Variants in PRPF6 observed in about 807,000 individuals in gnomAD.
PRPF6 encodes the protein pre-mRNA processing factor 6.
In PRPF6, 42 loss-of-function variants were observed where a neutral mutation model predicts 118.3. The observed-to-expected ratio is 0.35, with a 90% CI of 0.28 to 0.46. The LOEUF (loss-of-function observed/expected upper bound fraction) is 0.46, where lower values mean the gene tolerates loss of function less well. PRPF6 is among the 20% of genes least tolerant of loss of function. PRPF6 has a pLI of 1.00. For synonymous variants in PRPF6, 481 were observed against 485.1 expected (o/e 0.99, Z 0.11); for missense variants, 662 against 1,255.7 (o/e 0.53, Z 7.15).
At chr20:64,024,523 G>T in intron 13 of PRPF6, 32 bp from the exon 14 acceptor site, 1 of 1,612,998 alleles carries the variant, frequency 6.2e-7, no homozygotes, top group Non-Finnish European at 8.5e-7. Flanking sequence ...TTATGGCCCT[G>T]CCTCTGGTGA....
chr20:64,019,948 G>C (rs1376348527), intron 12 of PRPF6, among the ~76,000 whole-genome samples: 3 of 152,262 alleles, frequency 2.0e-5, no homozygotes, highest in Non-Finnish European at 4.4e-5. Flanking sequence ...GTAGAAGGCA[G>C]CTGTTCCTCT....
In PRPF6 at chr20:64,027,844, CAG is replaced by C. The variant is rs1441325287; in HGVS notation, c.2339+109_2339+110del. On this transcript the variant is annotated intron_variant, in intron 17 of 20. Coordinates refer to ENST00000266079, the MANE Select transcript of PRPF6 (RefSeq NM_012469.4). This position sits in a 1 kb window ranked among gnomAD's most constrained non-coding sequence, Gnocchi z 6.5. ...GTCACTCGTGCAGTGCTTCCAGGCTCAGGGGCTTGGGGGGCGGTAGGTGCTGG... is the reference window on the plus strand; with the variant it reads ...GTCACTCGTGCAGTGCTTCCAGGCTCGGGCTTGGGGGGCGGTAGGTGCTGG... The C allele has an allele frequency of 2.0e-5, 31 of 1,520,496 alleles. No individual in the cohort carries two copies. The highest frequency in any genetic ancestry group is 1.5e-4 in the Admixed American group (9 of 59,646). The allele number at this position is 1,520,496 out of a possible 1,614,324, so 94.2% of individuals were successfully genotyped here.
In PRPF6 at chr20:63,986,416, G is replaced by T. The variant is rs527649787; in HGVS notation, c.359+1391G>T. Among the ~76,000 whole-genome samples, 17 of 151,974 alleles carry T rather than the reference G, an allele frequency of 1.1e-4. 1 individual carries two copies. The highest frequency in any genetic ancestry group is 2.5e-4 in the Non-Finnish European group (17 of 67,970). On this transcript the variant is annotated intron_variant, in intron 3 of 20. Coordinates refer to ENST00000266079, the MANE Select transcript of PRPF6 (RefSeq NM_012469.4). ...TTTGCCCAGGGGATACAAGTGCAAG[G>T]GTGGTTCAACATATGCAAATTAATC...
At chr20:63,994,490 A>G (rs770316347) in intron 4 of PRPF6, among the ~76,000 whole-genome samples, 13 of 151,940 alleles carry the variant, frequency 8.6e-5, no homozygotes, top group Non-Finnish European at 1.2e-4. Context: ...GTAGAAAACT[A>G]TTTTTGGGGC....
At chr20:64,032,610 C>G (rs1047470900) in intron 20 of PRPF6, among the ~76,000 whole-genome samples, 10 of 152,222 alleles carry the variant, frequency 6.6e-5, no homozygotes, top group African/African-American at 1.9e-4. Context: ...TGGCTCAGTT[C>G]CTCATCTGTG....
rs1268443964 is a variant in PRPF6 at position 64,029,982 on chromosome 20, A to G, written c.2546+491A>G. ...GACTCACTGGGGACGCGTGTGATTC[A>G]CACTGGTGCGCTGGCCGCTGGGTCA... On this transcript the variant is annotated intron_variant, in intron 19 of 20. Coordinates refer to ENST00000266079, the MANE Select transcript of PRPF6 (RefSeq NM_012469.4). This position sits in a 1 kb window ranked among gnomAD's most constrained non-coding sequence, Gnocchi z 4.8. Among the ~76,000 whole-genome samples the G allele has an allele frequency of 6.6e-6, 1 of 152,198 alleles. No homozygotes were observed. The highest frequency in any genetic ancestry group is 2.4e-5 in the African/African-American group (1 of 41,450).
rs2059290189 is a variant in PRPF6, at chr20:64,026,243, A to G, written c.2028+185A>G. ...GCGTGGTGGCCGGGCGCGGTGGCTC[A>G]CGCCTGTAATCTCAGCACTTTGGGA... On this transcript the variant is annotated intron_variant, in intron 15 of 20. Transcript: ENST00000266079. This position sits in a 1 kb window ranked among gnomAD's most constrained non-coding sequence, Gnocchi z 4.4. Among the ~76,000 whole-genome samples, 1 of 152,104 alleles carries G rather than the reference A, an allele frequency of 6.6e-6. No homozygotes were observed. Among genetic ancestry groups the G allele is most frequent in the Non-Finnish European group, 1.5e-5 (1 of 67,992 alleles).
At chr20:64,023,173 G>T (rs1007967694) in intron 13 of PRPF6, among the ~76,000 whole-genome samples, 1 of 152,250 alleles carries the variant, frequency 6.6e-6, no homozygotes, top group African/African-American at 2.4e-5. Flanking sequence ...ATAGACTTGA[G>T]GCTGGAGCCC....
Position 63,999,085 on chromosome 20 carries a change from A to G in PRPF6, c.812A>G (p.Lys271Arg). Residue 271 changes from lysine (K) to arginine (R), a missense_variant, in exon 7 of 21, where the codon AAA becomes AGA. This residue lies in a region of PRPF6 where 71 missense variants were observed against 166.4 expected (regional missense o/e 0.43). Coordinates refer to ENST00000266079, the MANE Select transcript of PRPF6 (RefSeq NM_012469.4). ...SVSGQTVVDP[K>R]GYLTDLNSMI... is the part of the protein sequence containing the mutation. ...AGTGGACAGACCGTCGTTGACCCCA[A>G]AGGCTACCTGACGGATTTAAATTCC... The G allele has an allele frequency of 6.2e-7, 1 of 1,613,848 alleles. No individual in the cohort carries two copies. The highest frequency in any genetic ancestry group is 8.5e-7 in the Non-Finnish European group (1 of 1,179,910).
Position 63,998,858 on chromosome 20 carries a change from T to A in PRPF6, c.772-187T>A, listed in dbSNP as rs915500258. Among the ~76,000 whole-genome samples, 11 of 146,862 alleles carry A rather than the reference T, an allele frequency of 7.5e-5. No homozygotes were observed. The East Asian group carries it at 1.2e-3, about 16-fold the overall frequency. On this transcript the variant is annotated intron_variant, in intron 6 of 20. Coordinates refer to ENST00000266079, the MANE Select transcript of PRPF6 (RefSeq NM_012469.4). ...CTCCATCTCAAAAAAAAAAAAAAAATAGATCTTTTTCCATACAGAAGAAAT... is the reference window on the plus strand; with the variant it reads ...CTCCATCTCAAAAAAAAAAAAAAAAAAGATCTTTTTCCATACAGAAGAAAT...
At chr20:63,989,260 A>G (rs1035397131) in intron 3 of PRPF6, among the ~76,000 whole-genome samples, 4 of 152,188 alleles carry the variant, frequency 2.6e-5, no homozygotes, top group Non-Finnish European at 5.9e-5. Flanking sequence ...TAAGACCTCA[A>G]GCTGAAACTA....
chr20:63,991,123 T>C (rs1188242109), intron 3 of PRPF6, among the ~76,000 whole-genome samples: 1 of 152,148 alleles, frequency 6.6e-6, no homozygotes, highest in Non-Finnish European at 1.5e-5. Flanking sequence ...CCAGGGTTAA[T>C]GCATTTTAAA....
chr20:63,989,353 C>T (rs746867557), intron 3 of PRPF6, among the ~76,000 whole-genome samples: 4 of 152,004 alleles, frequency 2.6e-5, no homozygotes, highest in Admixed American at 6.6e-5. Context: ...GCACAGGCAA[C>T]GAACGGAAGC....
At chr20:63,981,400 A>C in intron 1 of PRPF6, 84 bp downstream of exon 1, 1 of 1,322,086 alleles carries the variant, frequency 7.6e-7, no homozygotes, top group Non-Finnish European at 1.0e-6. Flanking sequence ...GCGGGGGTCT[A>C]TGGCCGCGCA....
chr20:63,998,338 C>T (rs1452832241), intron 6 of PRPF6, among the ~76,000 whole-genome samples: 2 of 151,110 alleles, frequency 1.3e-5, no homozygotes, highest in Non-Finnish European at 3.0e-5. Flanking sequence ...TGTGATCCAC[C>T]CACCTTGGCC....
At chr20:63,997,822 G>A (rs1250813344) in intron 6 of PRPF6, among the ~76,000 whole-genome samples, 1 of 151,860 alleles carries the variant, frequency 6.6e-6, no homozygotes, top group East Asian at 2.0e-4. Context: ...TGATCCACGT[G>A]GCTCGGCCTC....
chr20:63,996,427 A>G (rs922857066), intron 6 of PRPF6, among the ~76,000 whole-genome samples: 1 of 152,096 alleles, frequency 6.6e-6, no homozygotes, highest in Non-Finnish European at 1.5e-5. Context: ...CGATCCTTCC[A>G]CCTCAGCCTG....
At chr20:64,013,857 T>TTC (rs1274175781) in intron 11 of PRPF6, among the ~76,000 whole-genome samples, 5 of 152,214 alleles carry the variant, frequency 3.3e-5, no homozygotes, top group African/African-American at 9.6e-5. Context: ...TCCTAGAACC[T>TTC]TCTCATCACC....
chr20:63,996,355 A>G (rs1215157433), intron 6 of PRPF6, among the ~76,000 whole-genome samples: 2 of 152,014 alleles, frequency 1.3e-5, no homozygotes, highest in African/African-American at 2.4e-5. Context: ...AAACAAAAAC[A>G]AAAACAAAAA....
Sources: allele counts gnomAD v4.1 joint callset (sites outside exome capture counted in the v4.1 genomes callset), GRCh38; gene constraint gnomAD v4.1.1; regional missense constraint gnomAD v4.1.1; non-coding constraint Gnocchi (gnomAD v3.1); transcripts MANE v1.5; gene names NCBI Gene and HGNC (gene_info 2026-07-23, HGNC 2026-07-21).